Variants in SLC24A2 observed in about 807,000 individuals in gnomAD.
SLC24A2 encodes the protein solute carrier family 24 member 2, also known as sodium/potassium/calcium exchanger 2.
In SLC24A2, 36 loss-of-function variants were observed where a neutral mutation model predicts 62.0. The ratio of observed to expected loss-of-function variants is 0.58; its 90% CI spans 0.44 to 0.77. The LOEUF (loss-of-function observed/expected upper bound fraction) is 0.77, where lower values mean the gene tolerates loss of function less well. Among genes scored for constraint, SLC24A2 ranks in the 30% least tolerant of loss-of-function variants. The pLI is 0.00. For missense variants in SLC24A2, 846 were observed against 817.9 expected, an observed-to-expected ratio of 1.03 and a Z score of -0.42; for synonymous variants, 358 against 294.0, an observed-to-expected ratio of 1.22 and a Z score of -2.23.
At chr9:19,875,846 C>A in the SLC24A2 span, among the ~76,000 whole-genome samples, 1 of 152,122 alleles carries the variant, frequency 6.6e-6, no homozygotes, top group Non-Finnish European at 1.5e-5. Context: ...GCTTCAGATT[C>A]CTTTCTCTGT....
chr9:19,924,380 C>T, the SLC24A2 span, among the ~76,000 whole-genome samples: 1 of 152,148 alleles, frequency 6.6e-6, no homozygotes, highest in Non-Finnish European at 1.5e-5. Context: ...TGGGGGAGTC[C>T]ACCACCCCAT....
the SLC24A2 span, among the ~76,000 whole-genome samples, chr9:20,285,837 G>C: frequency 6.6e-6 from 1 of 152,156 alleles, no homozygotes; most frequent in East Asian, 1.9e-4. Context: ...CCAAGGAAGG[G>C]CATGCACAGA....
intron 8 of SLC24A2, among the ~76,000 whole-genome samples, chr9:19,545,706 A>C (rs1015986134): frequency 6.6e-6 from 1 of 151,144 alleles, no homozygotes; most frequent in African/African-American, 2.4e-5. Context: ...TGGTGCAATC[A>C]TGGCTCACTG....
the SLC24A2 span, among the ~76,000 whole-genome samples, chr9:19,900,991 G>C: frequency 3.9e-5 from 6 of 152,228 alleles, no homozygotes; most frequent in African/African-American, 1.2e-4. Context: ...AGTTGGCCTT[G>C]TGGTCACAAT....
chr9:19,901,525 T>A, the SLC24A2 span, among the ~76,000 whole-genome samples: 2 of 152,026 alleles, frequency 1.3e-5, no homozygotes, highest in Non-Finnish European at 2.9e-5. Flanking sequence ...TATGATGAAA[T>A]GGGTTTGGCT....
At chr9:20,233,689 G>C in the SLC24A2 span, among the ~76,000 whole-genome samples, 1 of 152,154 alleles carries the variant, frequency 6.6e-6, no homozygotes, top group South Asian at 2.1e-4. Flanking sequence ...CAATTTGCCA[G>C]TCTGTGTCTT....
At chr9:20,117,302 G>A in the SLC24A2 span, among the ~76,000 whole-genome samples, 11,149 of 152,188 alleles carry the variant, frequency 0.073, 1,204 homozygotes, top group East Asian at 0.52. Flanking sequence ...ATGTGGAGGA[G>A]GACAGAGCAA....
upstream of SLC24A2, among the ~76,000 whole-genome samples, chr9:19,793,748 T>C (rs1330376578): frequency 6.6e-6 from 1 of 152,178 alleles, no homozygotes; most frequent in Non-Finnish European, 1.5e-5. Flanking sequence ...TTCCTCATAG[T>C]ATATGATAGT....
the SLC24A2 span, among the ~76,000 whole-genome samples, chr9:20,110,152 C>G: frequency 6.6e-6 from 1 of 152,042 alleles, no homozygotes; most frequent in African/African-American, 2.4e-5. Flanking sequence ...AAATTTAAGG[C>G]TTCAACTGGC....
chr9:20,078,827 T>C, the SLC24A2 span, among the ~76,000 whole-genome samples: 1 of 151,950 alleles, frequency 6.6e-6, no homozygotes, highest in Non-Finnish European at 1.5e-5. Flanking sequence ...CCTCAATCAA[T>C]ACTTAGGAAG....
the SLC24A2 span, among the ~76,000 whole-genome samples, chr9:20,047,654 G>T: frequency 7.0e-6 from 1 of 143,750 alleles, no homozygotes; most frequent in Non-Finnish European, 1.5e-5. Flanking sequence ...ATGGAGGGCC[G>T]CCTTCTCATT....
Position 19,786,219 on chromosome 9 carries a change from G to A in SLC24A2, c.648C>T (p.Ile216=), listed in dbSNP as rs1536517. 54,173 of 1,613,964 alleles carry A rather than the reference G, an allele frequency of 0.034. 5,379 individuals carry two copies. In the East Asian group the frequency reaches 0.39, roughly 12 times the overall value. Residue 216 remains isoleucine (I), a synonymous_variant, in exon 2 of 11, where the codon ATC becomes ATT. Coordinates refer to ENST00000341998, the MANE Select transcript of SLC24A2 (RefSeq NM_020344.4). The surrounding 1 kb of genome is among the most constrained non-coding windows in gnomAD (Gnocchi z 5.0). ...GTIVGSAVFN[I]LFVIGMCALF... ...GAGCACACATGCCAATAACAAAGAG[G>A]ATGTTGAATACTGCTGAACCTACAA...
At chr9:20,273,379 A>C in the SLC24A2 span, among the ~76,000 whole-genome samples, 82,142 of 152,060 alleles carry the variant, frequency 0.54, 24,248 homozygotes, top group East Asian at 0.9. Flanking sequence ...TCTTAACAAA[A>C]AGCATCCAAA....
At chr9:19,951,054 T>A in the SLC24A2 span, among the ~76,000 whole-genome samples, 1 of 152,192 alleles carries the variant, frequency 6.6e-6, no homozygotes, top group African/African-American at 2.4e-5. Flanking sequence ...TACACATTGC[T>A]GAAGAGCAGG....
the SLC24A2 span, among the ~76,000 whole-genome samples, chr9:19,991,905 C>T: frequency 4.0e-5 from 6 of 151,898 alleles, no homozygotes; most frequent in Admixed American, 3.3e-4. Context: ...GGGCAGAGAC[C>T]CTAGAGACAT....
At position 19,513,157 on chromosome 9, in the gene SLC24A2, T is replaced by TATAG. The variant is rs1164331478; in HGVS notation, c.*2995_*2996insCTAT. 1 of 62,408 alleles carries TATAG rather than the reference T, an allele frequency of 1.6e-5. No individual in the cohort carries two copies. Among genetic ancestry groups the TATAG allele is most frequent in the Non-Finnish European group, 3.5e-5 (1 of 28,758 alleles). 3.9% of individuals were successfully genotyped at this position (62,408 alleles called of 1,614,324 possible). A position where few individuals can be genotyped will look rare whatever the true frequency, so the allele number is the denominator to read the frequency against. On this transcript the variant is annotated 3_prime_UTR_variant, in exon 11 of 11. Transcript: ENST00000341998. ...TACATATAGATCTGGTATAAAGATA[T>TATAG]ATATATATATATATATATGTATATA...
the SLC24A2 span, among the ~76,000 whole-genome samples, chr9:20,088,199 C>T: frequency 3.3e-5 from 5 of 152,334 alleles, no homozygotes; most frequent in African/African-American, 9.6e-5. Context: ...CAGCCACAGG[C>T]GGTAGGCCGC....
At chr9:19,579,582 A>G (rs1373458803) in intron 5 of SLC24A2, among the ~76,000 whole-genome samples, 1 of 152,202 alleles carries the variant, frequency 6.6e-6, no homozygotes, top group Admixed American at 6.5e-5. Flanking sequence ...CTGCCACTCT[A>G]AGAAATATAG....
chr9:19,923,884 A>G, the SLC24A2 span, among the ~76,000 whole-genome samples: 1 of 152,140 alleles, frequency 6.6e-6, no homozygotes, highest in Non-Finnish European at 1.5e-5. Flanking sequence ...AGTAGCTGGG[A>G]TTACAGGTGT....
Sources: allele counts gnomAD v4.1 joint callset (sites outside exome capture counted in the v4.1 genomes callset), GRCh38; gene constraint gnomAD v4.1.1; non-coding constraint Gnocchi (gnomAD v3.1); transcripts MANE v1.5; gene names NCBI Gene and HGNC (gene_info 2026-07-23, HGNC 2026-07-21).